The following RNF17 variants were observed in gnomAD, a reference collection of about 807,000 sequenced individuals.
The protein encoded by RNF17 is ring finger protein 17, also known as spermatogenesis associated 23.
In RNF17, 31 loss-of-function variants were observed where a neutral mutation model predicts 200.5. The ratio of observed to expected loss-of-function variants is 0.15; its 90% CI spans 0.12 to 0.21. The LOEUF is 0.21. Among genes scored for constraint, RNF17 ranks in the 10% least tolerant of loss-of-function variants. The pLI is 1.00. For missense variants in RNF17, 1,628 were observed against 1,905.1 expected (o/e 0.85, Z 2.71); for synonymous variants, 606 against 637.8 (o/e 0.95, Z 0.75).
intron 15 of RNF17, among the ~76,000 whole-genome samples, chr13:24,820,953 T>A (rs1175632349): frequency 1.3e-5 from 2 of 152,206 alleles, no homozygotes; most frequent in Non-Finnish European, 2.9e-5. Flanking sequence ...CAAATTACTG[T>A]TAATTGGGCA....
intron 15 of RNF17, among the ~76,000 whole-genome samples, chr13:24,825,216 C>A (rs1652716172): frequency 6.6e-6 from 1 of 151,924 alleles, no homozygotes; most frequent in Admixed American, 6.6e-5. Context: ...GGGTTTGGAT[C>A]AGTTAAGGAA....
chr13:24,797,679 G>GGAGA (rs140460990), intron 11 of RNF17, among the ~76,000 whole-genome samples: 31 of 120,738 alleles, frequency 2.6e-4, no homozygotes, highest in African/African-American at 7.6e-4. Flanking sequence ...TGAGTGGCAG[G>GGAGA]GAGAGAGAGA....
intron 15 of RNF17, among the ~76,000 whole-genome samples, chr13:24,821,961 A>C (rs573409153): frequency 6.6e-6 from 1 of 152,306 alleles, no homozygotes; most frequent in South Asian, 2.1e-4. Context: ...ATGCAGAAGA[A>C]AGAGAAAGGA....
At chr13:24,885,427 T>TA in the RNF17 span, 1 of 1,400,970 alleles carries the variant, frequency 7.1e-7, no homozygotes. Context: ...AACCTACTCT[T>TA]ACTTCCAAAG....
Position 24,877,173 on chromosome 13 carries a change from A to G in RNF17, c.4760A>G (p.Tyr1587Cys), listed in dbSNP as rs771461319. Residue 1587 changes from tyrosine (Y) to cysteine (C), a missense_variant, in exon 34 of 36, where the codon TAT becomes TGT. By Grantham distance (194) the Tyr-to-Cys change is radical. This residue lies in a region of RNF17 where 609 missense variants were observed against 681.9 expected (regional missense o/e 0.89). Coordinates refer to ENST00000255324, the MANE Select transcript of RNF17 (RefSeq NM_031277.3). ...MIDCLQGKQL[Y>C]AVSMAPAPEQ... ...GACTGTCTTCAAGGAAAACAACTCT[A>G]TGCTGTGTCCATGGTAAGTGTCTCA... The G allele has an allele frequency of 8.7e-6, 14 of 1,612,036 alleles. No homozygotes were observed. The highest frequency in any genetic ancestry group is 1.3e-5 in the African/African-American group (1 of 74,958).
intron 22 of RNF17, among the ~76,000 whole-genome samples, chr13:24,848,655 T>A (rs1891513488): frequency 6.6e-6 from 1 of 152,110 alleles, no homozygotes; most frequent in African/African-American, 2.4e-5. Context: ...ACAGTGAGAC[T>A]CTGTCTCAAA....
At chr13:24,865,188 G>T (rs912505540) in intron 29 of RNF17, among the ~76,000 whole-genome samples, 190 bp downstream of exon 29, 1 of 152,180 alleles carries the variant, frequency 6.6e-6, no homozygotes, top group Non-Finnish European at 1.5e-5. Context: ...TCCTGTAAAA[G>T]ACTTTAATTA....
chr13:24,766,899 C>T (rs1041175156), intron 1 of RNF17, among the ~76,000 whole-genome samples: 2 of 152,176 alleles, frequency 1.3e-5, no homozygotes, highest in African/African-American at 2.4e-5. Flanking sequence ...ATTTTTCTCC[C>T]TCCTGACCTG....
intron 4 of RNF17, among the ~76,000 whole-genome samples, chr13:24,778,800 A>G (rs781076345): frequency 1.3e-5 from 2 of 152,232 alleles, no homozygotes; most frequent in Non-Finnish European, 2.9e-5. Flanking sequence ...CTGAAGATAG[A>G]GTTTTACCTT....
chr13:24,886,159 A>C, the RNF17 span: 2 of 485,120 alleles, frequency 4.1e-6, no homozygotes, highest in East Asian at 7.0e-5. Flanking sequence ...AGTGAGGTGA[A>C]TCTCTCTCTA....
intron 15 of RNF17, among the ~76,000 whole-genome samples, chr13:24,822,512 C>T (rs1888187663): frequency 1.3e-5 from 2 of 151,948 alleles, no homozygotes; most frequent in African/African-American, 2.4e-5. Flanking sequence ...ACGTGCACCT[C>T]CCAGGTTCAA....
chr13:24,781,877 G>A lies in RNF17; in HGVS notation c.544G>A (p.Glu182Lys), dbSNP rs1882422871. ...ACACATGCAGAAGCAAACGATAGAG[G>A]AAAGAGAAAGAGTTATAGAAGTTGT... ...LEHMQKQTIE[E>K]RERVIEVVEK... The change falls in exon 6 of 36, where the codon GAA becomes AAA. Residue 182 changes from glutamate (E) to lysine (K), a missense_variant. Around this residue, in one of 5 missense-constraint regions of RNF17, gnomAD observed 502 missense variants for 501.7 expected, o/e 1.00. Coordinates refer to ENST00000255324, the MANE Select transcript of RNF17 (RefSeq NM_031277.3). 2.5e-6 allele frequency: 4 copies of A among 1,612,104 alleles called. No individual in the cohort carries two copies. The highest frequency in any genetic ancestry group is 3.4e-6 in the Non-Finnish European group (4 of 1,179,520).
chr13:24,843,381 G>C (rs1890874705), intron 19 of RNF17, among the ~76,000 whole-genome samples: 1 of 151,894 alleles, frequency 6.6e-6, no homozygotes, highest in Admixed American at 6.5e-5. Flanking sequence ...AGTGGGGCAT[G>C]GTGGCAGGTG....
intron 28 of RNF17, 111 bp from the exon 29 acceptor site, chr13:24,864,762 C>A: frequency 1.3e-6 from 1 of 761,452 alleles, no homozygotes; most frequent in Non-Finnish European, 2.1e-6. Flanking sequence ...ACTAGCCAAA[C>A]TGTCTAGTTA....
At chr13:24,759,672 G>T (rs1388536005), upstream of RNF17, among the ~76,000 whole-genome samples, 2 of 152,084 alleles carry the variant, frequency 1.3e-5, no homozygotes, top group Non-Finnish European at 2.9e-5. Context: ...AGAAATCTCA[G>T]AAGCCTACCA....
At chr13:24,805,499 A>G (rs972991742) in intron 15 of RNF17, among the ~76,000 whole-genome samples, 3 of 152,180 alleles carry the variant, frequency 2.0e-5, no homozygotes. Flanking sequence ...TAATGTTTTC[A>G]AGGTTCCTAT....
At chr13:24,876,725 G>GT (rs1435467420) in intron 33 of RNF17, among the ~76,000 whole-genome samples, 1 of 151,916 alleles carries the variant, frequency 6.6e-6, no homozygotes, top group African/African-American at 2.4e-5. Flanking sequence ...GATCTTTAGA[G>GT]TAATGTCCGT....
chr13:24,761,376 C>T (rs1387901249), upstream of RNF17, among the ~76,000 whole-genome samples: 7 of 152,202 alleles, frequency 4.6e-5, no homozygotes, highest in Non-Finnish European at 1.0e-4. Context: ...TTCAGGTGCA[C>T]AGGGCTAAGG....
At chr13:24,840,380 A>G (rs1222963604) in intron 18 of RNF17, among the ~76,000 whole-genome samples, 1 of 152,180 alleles carries the variant, frequency 6.6e-6, no homozygotes, top group Non-Finnish European at 1.5e-5. Context: ...CTAGATATCT[A>G]CCCAGAGGAA....
Sources: allele counts gnomAD v4.1 joint callset (sites outside exome capture counted in the v4.1 genomes callset), GRCh38; gene constraint gnomAD v4.1.1; regional missense constraint gnomAD v4.1.1; transcripts MANE v1.5; gene names NCBI Gene and HGNC (gene_info 2026-07-23, HGNC 2026-07-21).